SLC25A26: variants seen among roughly 807,000 people sequenced by gnomAD.
The protein encoded by SLC25A26 is solute carrier family 25 member 26.
SLC25A26 carries 36 observed loss-of-function variants against 37.8 expected under a neutral mutation model. The ratio of observed to expected loss-of-function variants is 0.95; its 90% CI spans 0.73 to 1.26. The LOEUF (loss-of-function observed/expected upper bound fraction) is 1.26, where lower values mean the gene tolerates loss of function less well. SLC25A26 is among the 50% of genes most tolerant of loss of function. The pLI, the probability that SLC25A26 is intolerant of heterozygous loss-of-function variation, is 0.00. For missense variants in SLC25A26, 390 were observed against 331.1 expected (o/e 1.18, Z -1.38); for synonymous variants, 129 against 122.5 (o/e 1.05, Z -0.35).
At position 66,377,672 on chromosome 3, in the gene SLC25A26, T is replaced by C. The variant is rs759306091; in HGVS notation, c.708-18T>C. On this transcript the variant is annotated intron_variant, in intron 9 of 9. Coordinates refer to ENST00000354883, the MANE Select transcript of SLC25A26 (RefSeq NM_001379210.1). ...TTTAAAATACGCACAACATTAAAAA[T>C]CCTGTTTTTTCCCCTAGATTATTTG... 4 of 1,590,050 alleles carry C rather than the reference T, an allele frequency of 2.5e-6. No individual in the cohort carries two copies. The highest frequency in any genetic ancestry group is 3.5e-6 in the Non-Finnish European group (4 of 1,158,482).
chr3:66,139,638 A>G (rs1413497146), intron 1 of SLC25A26, among the ~76,000 whole-genome samples: 1 of 152,212 alleles, frequency 6.6e-6, no homozygotes, highest in East Asian at 1.9e-4. Context: ...TGGCCATTTC[A>G]TTACAGAACT....
chr3:66,346,466 T>G (rs2076325993), intron 6 of SLC25A26, 58 bp downstream of exon 6: 1 of 912,792 alleles, frequency 1.1e-6, no homozygotes. Flanking sequence ...CCTAATAGTT[T>G]GAGTGTGGAA....
chr3:66,221,030 C>T lies in SLC25A26; in HGVS notation c.-65C>T. 3 of 1,513,830 alleles carry T rather than the reference C, an allele frequency of 2.0e-6. No individual in the cohort carries two copies. Among genetic ancestry groups the T allele is most frequent in the Non-Finnish European group, 2.7e-6 (3 of 1,126,320 alleles). 93.8% of individuals were successfully genotyped at this position (1,513,830 alleles called of 1,614,324 possible). On this transcript the variant is annotated 5_prime_UTR_variant, in exon 1 of 10. Transcript: ENST00000354883. Reference sequence around the variant, plus strand: ...CCGCCTCAAACATGGCGGCGCCCAGCGCGCGAGGACGTGATCCGCTTCTGC... The same window carrying T: ...CCGCCTCAAACATGGCGGCGCCCAGTGCGCGAGGACGTGATCCGCTTCTGC...
intron 2 of SLC25A26, among the ~76,000 whole-genome samples, chr3:66,238,453 G>T (rs150138587): frequency 0.068 from 10,266 of 152,044 alleles, 425 homozygotes; most frequent in African/African-American, 0.11. Context: ...CGCCATCTCT[G>T]GTCACTGCAG....
In SLC25A26 at chr3:66,149,814, A is replaced by G. The variant is rs550087226; in HGVS notation, c.-354+15830A>G. ...ACCAGGATAACAGGCACAGTCTTGG[A>G]CTGTCTGAGGCACACTGCAAGTCAC... On this transcript the variant is annotated intron_variant, in intron 1 of 10. Transcript: ENST00000676754. 5.3e-5 allele frequency among the ~76,000 whole-genome samples: 8 copies of G among 152,308 alleles called. No homozygotes were observed. The East Asian group carries it at 1.5e-3, about 29-fold the overall frequency.
In SLC25A26 at chr3:66,158,013, C is replaced by A. The variant is rs975528871; in HGVS notation, c.-354+24029C>A. On this transcript the variant is annotated intron_variant, in intron 1 of 10. Coordinates refer to the SLC25A26 transcript ENST00000676754. The stretch of plus-strand genomic sequence containing the variant: ...TCTGACACCTATTGAAGGGAGAATG[C>A]GTTGTGTTATACTAGTCTTCATTTA... Among the ~76,000 whole-genome samples the A allele has an allele frequency of 3.3e-5, 5 of 152,258 alleles. No homozygotes were observed. The East Asian group carries it at 9.7e-4, about 29-fold the overall frequency.
At chr3:66,330,637 G>A (rs332351) in intron 5 of SLC25A26, among the ~76,000 whole-genome samples, 7,442 of 145,226 alleles carry the variant, frequency 0.051, 209 homozygotes, top group African/African-American at 0.067. Context: ...TAGACAAATG[G>A]TGGGGTGGGG....
At chr3:66,310,858 T>C (rs1400833197) in intron 5 of SLC25A26, among the ~76,000 whole-genome samples, 1 of 152,220 alleles carries the variant, frequency 6.6e-6, no homozygotes. Context: ...TACAGAGAGA[T>C]CTGCTGTTAG....
chr3:66,268,393 G>A (rs190951719), intron 5 of SLC25A26, among the ~76,000 whole-genome samples: 83 of 152,298 alleles, frequency 5.4e-4, no homozygotes, highest in Admixed American at 3.5e-3. Flanking sequence ...GTTTTCCCCT[G>A]CCTCACCTAT....
At chr3:66,197,836 T>C (rs1477094793) in intron 1 of SLC25A26, among the ~76,000 whole-genome samples, 3 of 152,024 alleles carry the variant, frequency 2.0e-5, no homozygotes, top group African/African-American at 7.2e-5. Context: ...ATAAAAATGG[T>C]GAATCTGACA....
intron 3 of SLC25A26, among the ~76,000 whole-genome samples, chr3:66,248,161 A>C (rs1169769884): frequency 6.6e-6 from 1 of 152,264 alleles, no homozygotes. Context: ...CAGTGCCAAA[A>C]TAATAACCAT....
chr3:66,275,324 A>C (rs2074102009), intron 5 of SLC25A26, among the ~76,000 whole-genome samples: 1 of 151,892 alleles, frequency 6.6e-6, no homozygotes, highest in South Asian at 2.1e-4. Context: ...TGGTTGCAGC[A>C]CACCAGCATG....
At chr3:66,179,280 A>G (rs546412201) in intron 1 of SLC25A26, among the ~76,000 whole-genome samples, 7 of 152,330 alleles carry the variant, frequency 4.6e-5, no homozygotes, top group Admixed American at 1.3e-4. Flanking sequence ...AAAATTGCCG[A>G]TTTGATATTG....
intron 6 of SLC25A26, among the ~76,000 whole-genome samples, chr3:66,357,256 T>C (rs902622658): frequency 2.6e-5 from 4 of 152,056 alleles, no homozygotes; most frequent in Non-Finnish European, 5.9e-5. Context: ...CTCAAAAAAA[T>C]AAAATAAATT....
intron 5 of SLC25A26, among the ~76,000 whole-genome samples, chr3:66,320,471 G>T (rs1384368081): frequency 1.3e-5 from 2 of 152,196 alleles, no homozygotes; most frequent in Non-Finnish European, 2.9e-5. Flanking sequence ...ACATGGCATG[G>T]ATATACTTCC....
chr3:66,230,537 C>G (rs1429300374), intron 1 of SLC25A26, among the ~76,000 whole-genome samples: 1 of 152,040 alleles, frequency 6.6e-6, no homozygotes, highest in African/African-American at 2.4e-5. Flanking sequence ...GGCGTGGTGG[C>G]TTATGCCTGT....
At chr3:66,227,217 TCTCA>T (rs2071799275) in intron 1 of SLC25A26, among the ~76,000 whole-genome samples, 1 of 152,234 alleles carries the variant, frequency 6.6e-6, no homozygotes, top group African/African-American at 2.4e-5. Context: ...TTAAATTTGC[TCTCA>T]CTTATTTTTT....
chr3:66,376,038 T>C (rs533390223), intron 9 of SLC25A26, among the ~76,000 whole-genome samples: 31 of 148,232 alleles, frequency 2.1e-4, no homozygotes, highest in Admixed American at 1.4e-3. Context: ...GGCTGACTAG[T>C]GGAGGGAAAC....
intron 1 of SLC25A26, among the ~76,000 whole-genome samples, chr3:66,137,975 A>G (rs1293637801): frequency 3.3e-5 from 5 of 152,116 alleles, no homozygotes; most frequent in Non-Finnish European, 7.3e-5. Flanking sequence ...CTGGGATTAC[A>G]GGCGTGCATT....
Sources: gnomAD v4.1 joint callset for allele counts (sites outside exome capture counted in the v4.1 genomes callset) on GRCh38, gnomAD v4.1.1 for gene constraint, MANE v1.5 for transcripts, NCBI Gene and HGNC (gene_info 2026-07-23, HGNC 2026-07-21) for gene names.